Variants in TBX5 observed in about 807,000 individuals in gnomAD.
The protein encoded by TBX5 is T-box transcription factor TBX5.
Under a neutral mutation model 51.1 loss-of-function variants are expected in TBX5, and 8 were observed. That is an observed-to-expected ratio of 0.16 (90% CI 0.09 to 0.28). The LOEUF is 0.28. TBX5 is among the 10% of genes least tolerant of loss of function. The probability of loss-of-function intolerance (pLI) is 1.00; values close to 1 mark genes in which losing one functional copy is unlikely to be tolerated. For synonymous variants in TBX5, 302 were observed against 266.4 expected (o/e 1.13, Z -1.30); for missense variants, 589 against 671.7 (o/e 0.88, Z 1.36).
intron 6 of TBX5, among the ~76,000 whole-genome samples, chr12:114,387,188 T>C (rs1870864759): frequency 6.6e-6 from 1 of 152,142 alleles, no homozygotes. Context: ...TCCCTAAAAA[T>C]CATCTCGAGT....
upstream of TBX5, chr12:114,407,948 T>G: frequency 2.0e-6 from 2 of 985,432 alleles, no homozygotes; most frequent in Non-Finnish European, 2.4e-6. Context: ...CCAACGTCTG[T>G]CAAGAAGAGC....
At chr12:114,383,031 C>G (rs1421902566) in intron 7 of TBX5, among the ~76,000 whole-genome samples, 1 of 151,132 alleles carries the variant, frequency 6.6e-6, no homozygotes, top group Non-Finnish European at 1.5e-5. Flanking sequence ...TGACTGACAT[C>G]TGACATCTGA....
intron 1 of TBX5, 74 bp downstream of exon 1, chr12:114,405,554 A>T (rs1872157669): frequency 3.6e-6 from 1 of 278,638 alleles, no homozygotes. Flanking sequence ...GGAATCCGCC[A>T]TTCCCGCCGC....
chr12:114,394,968 GC>G, intron 5 of TBX5, 75 bp from the exon 6 acceptor site: 1 of 1,501,646 alleles, frequency 6.7e-7, no homozygotes, highest in Non-Finnish European at 9.2e-7. Context: ...CCTGCTCCCC[GC>G]CCTCTAAATT....
intron 7 of TBX5, among the ~76,000 whole-genome samples, chr12:114,370,293 A>AAAAGAAAAGAAAAGAAAAGAAAAG (rs1869811763): frequency 2.3e-5 from 3 of 128,804 alleles, no homozygotes; most frequent in Admixed American, 8.0e-5. Flanking sequence ...GAAAAGAAAG[A>AAAAGAAAAGAAAAGAAAAGAAAAG]AAAGAAAAGA....
rs773582799 is a variant in TBX5, at chr12:114,355,946, G to T, written c.1143C>A (p.Ala381=). Residue 381 remains alanine, a synonymous_variant, in exon 9 of 9, where the codon GCC becomes GCA. Transcript: ENST00000405440. ...CAGGCTCGCTGGGGGGCGCAGAGCT[G>T]GCATACATGCAAGCTTGCCGCTGTG... is the stretch of plus-strand genomic sequence containing the variant. ...ESAQRQACMY[A]SSAPPSEPVP... is the part of the protein sequence containing the mutation. 6.2e-7 allele frequency: 1 copy of T among 1,613,918 alleles called. No individual in the cohort carries two copies. The highest frequency in any genetic ancestry group is 8.5e-7 in the Non-Finnish European group (1 of 1,180,040).
At chr12:114,373,574 T>C (rs1229891453) in intron 7 of TBX5, among the ~76,000 whole-genome samples, 1 of 152,196 alleles carries the variant, frequency 6.6e-6, no homozygotes, top group Non-Finnish European at 1.5e-5. Context: ...TTCTCCTGCC[T>C]CAGCCTCCCA....
chr12:114,389,356 A>G (rs1385316331), intron 6 of TBX5, among the ~76,000 whole-genome samples: 1 of 152,178 alleles, frequency 6.6e-6, no homozygotes, highest in East Asian at 1.9e-4. Context: ...ATCTAATGGG[A>G]CTTTTCTTTC....
chr12:114,405,649 A>T lies in TBX5; in HGVS notation c.-60T>A. ...TTACCTCGTTCGGTGAAGCCGGTGC[A>T]TTCACCACATCCTCTGCTGCTCCTA... On this transcript the variant is annotated 5_prime_UTR_variant, in exon 1 of 9. An upstream start codon of the reference 5' UTR is lost. Transcript: ENST00000405440. 1 of 958,852 alleles carries T rather than the reference A, an allele frequency of 1.0e-6. No homozygotes were observed. Among genetic ancestry groups the T allele is most frequent in the Non-Finnish European group, 1.2e-6 (1 of 805,726 alleles). 59.4% of individuals were successfully genotyped at this position (958,852 alleles called of 1,614,324 possible).
rs779550194 is a variant in TBX5, at chr12:114,401,911, C to T, written c.157G>A (p.Gly53Arg). The stretch of plus-strand genomic sequence containing the variant: ...CTTTCATGGAGAAACACTTTGATTC[C>T]CTCCATGCCCTGCAAGAAGGAGAAA... ...QAAFTQQGME[G>R]IKVFLHEREL... The change falls in exon 3 of 9, where the codon GGA becomes AGA. Residue 53 changes from glycine (G) to arginine (R), a missense_variant. This residue lies in a region of TBX5 where 101 missense variants were observed against 83.3 expected (regional missense o/e 1.21). Coordinates refer to ENST00000405440, the MANE Select transcript of TBX5 (RefSeq NM_181486.4). 3 of 1,614,006 alleles carry T rather than the reference C, an allele frequency of 1.9e-6. No individual in the cohort carries two copies. In the East Asian group the frequency reaches 6.7e-5, roughly 36 times the overall value.
chr12:114,390,724 A>G (rs1034240981), intron 6 of TBX5, among the ~76,000 whole-genome samples: 17 of 152,230 alleles, frequency 1.1e-4, no homozygotes, highest in Admixed American at 2.6e-4. Context: ...CTGGGGATAG[A>G]CATTGCTTGC....
At position 114,355,799 on chromosome 12, in the gene TBX5, G is replaced by A; in HGVS notation, c.1290C>T (p.Phe430=). ...RLPYQHFSAH[F]TSGPLVPRLA... is the part of the protein sequence containing the mutation. Reference sequence around the variant, plus strand: ...GCCGAGGGACCAGGGGCCCCGAGGTGAAGTGAGCGGAGAAGTGCTGGTAGG... The same window carrying A: ...GCCGAGGGACCAGGGGCCCCGAGGTAAAGTGAGCGGAGAAGTGCTGGTAGG... Residue 430 remains phenylalanine, a synonymous_variant, in exon 9 of 9, where the codon TTC becomes TTT. Transcript: ENST00000405440. 1 of 1,614,182 alleles carries A rather than the reference G, an allele frequency of 6.2e-7. No homozygotes were observed. Among genetic ancestry groups the A allele is most frequent in the Non-Finnish European group, 8.5e-7 (1 of 1,180,036 alleles).
At chr12:114,370,967 G>A (rs969713890) in intron 7 of TBX5, among the ~76,000 whole-genome samples, 62 of 152,008 alleles carry the variant, frequency 4.1e-4, no homozygotes, top group African/African-American at 1.5e-3. Flanking sequence ...TATATCAAGG[G>A]GAATGGTGGA....
At chr12:114,407,119 C>T (rs1872278432), upstream of TBX5, 31 of 985,022 alleles carry the variant, frequency 3.1e-5, no homozygotes, top group Non-Finnish European at 3.6e-5. Context: ...CTGTGTAACC[C>T]TCTGTGACTG....
intron 1 of TBX5, 118 bp from the exon 2 acceptor site, chr12:114,404,054 AC>A: frequency 9.4e-7 from 1 of 1,063,602 alleles, no homozygotes. Context: ...GTTTCCAGCT[AC>A]CAGCACCTCC....
chr12:114,377,671 A>T (rs777204694), intron 7 of TBX5, among the ~76,000 whole-genome samples: 18 of 126,568 alleles, frequency 1.4e-4, no homozygotes, highest in Non-Finnish European at 2.2e-4. Context: ...CTCCTGTCTC[A>T]GCCTCCCAAA....
chr12:114,398,753 C>T (rs1251680816), intron 4 of TBX5, 33 bp from the exon 5 acceptor site: 1 of 1,583,484 alleles, frequency 6.3e-7, no homozygotes, highest in Non-Finnish European at 8.6e-7. Flanking sequence ...AGAGGCCTGG[C>T]TCAGAGTCTG....
At chr12:114,356,179 G>T in intron 8 of TBX5, 73 bp from the exon 9 acceptor site, 1 of 1,439,496 alleles carries the variant, frequency 6.9e-7, no homozygotes. Flanking sequence ...ACAGTTATTT[G>T]GCCAAAGTAC....
chr12:114,369,080 A>G (rs1895583), intron 7 of TBX5, among the ~76,000 whole-genome samples: 107,860 of 152,116 alleles, frequency 0.71, 38,740 homozygotes, highest in East Asian at 0.78. Flanking sequence ...AAACTTGCCG[A>G]CAATTCTATT....
Sources: allele counts gnomAD v4.1 joint callset (sites outside exome capture counted in the v4.1 genomes callset), GRCh38; gene constraint gnomAD v4.1.1; regional missense constraint gnomAD v4.1.1; transcripts MANE v1.5; gene names NCBI Gene and HGNC (gene_info 2026-07-23, HGNC 2026-07-21).